The following CNOT1 variants were observed in gnomAD, a reference collection of about 807,000 sequenced individuals.
CNOT1 encodes CCR4-NOT transcription complex subunit 1.
In CNOT1, 15 loss-of-function variants were observed where a neutral mutation model predicts 273.8. That is an observed-to-expected ratio of 0.05 (90% CI 0.04 to 0.08). The LOEUF is 0.08. Ranked by LOEUF, CNOT1 falls within the 10% of genes least tolerant of loss-of-function variation. The probability of loss-of-function intolerance (pLI) is 1.00; values close to 1 mark genes in which losing one functional copy is unlikely to be tolerated. For synonymous variants in CNOT1, 1,022 were observed against 1,005.5 expected, an observed-to-expected ratio of 1.02 and a Z score of -0.31; for missense variants, 1,644 against 2,912.2, an observed-to-expected ratio of 0.56 and a Z score of 10.02.
intron 1 of CNOT1, among the ~76,000 whole-genome samples, chr16:58,620,653 TAAAAAAA>T (rs200053031): frequency 6.3e-4 from 67 of 106,830 alleles, no homozygotes; most frequent in Middle Eastern, 6.1e-3. Flanking sequence ...CTGTCTCATT[TAAAAAAA>T]AAAAAAAAAA....
intron 1 of CNOT1, among the ~76,000 whole-genome samples, chr16:58,609,555 T>C (rs2042815991): frequency 1.3e-5 from 2 of 152,008 alleles, no homozygotes; most frequent in South Asian, 2.1e-4. Flanking sequence ...CTTGATCTCT[T>C]AGGCTCAAGT....
chr16:58,555,158 A>G, intron 21 of CNOT1, 93 bp downstream of exon 21: 1 of 1,528,352 alleles, frequency 6.5e-7, no homozygotes, highest in African/African-American at 1.4e-5. Context: ...CAGTGAGCCG[A>G]GATTGCGCCA....
intron 40 of CNOT1, 23 bp from the exon 41 acceptor site, chr16:58,532,418 C>G: frequency 6.2e-7 from 1 of 1,604,692 alleles, no homozygotes; most frequent in Non-Finnish European, 8.5e-7. Context: ...CAAATCAGAG[C>G]TTGTAAATCA....
Position 58,580,779 on chromosome 16 carries a change from C to T in CNOT1, c.1216-19G>A. 1 of 1,598,288 alleles carries T rather than the reference C, an allele frequency of 6.3e-7. No homozygotes were observed. The highest frequency in any genetic ancestry group is 8.5e-7 in the Non-Finnish European group (1 of 1,171,580). ...AGGAGAGCTGCAATGAAAGAAAATG[C>T]TTACCACCATAAATGATTGTGAATG... On this transcript the variant is annotated intron_variant, in intron 11 of 48. Transcript: ENST00000317147.
At position 58,547,193 on chromosome 16, in the gene CNOT1, C is replaced by T. The variant is rs2040285373; in HGVS notation, c.3743G>A (p.Arg1248His). 2 of 1,612,038 alleles carry T rather than the reference C, an allele frequency of 1.2e-6. No individual in the cohort carries two copies. Residue 1248 changes from arginine (R) to histidine (H), a missense_variant, in exon 27 of 49, where the codon CGT becomes CAT. By Grantham distance (29) the Arg-to-His change is conservative. Transcript: ENST00000317147. The surrounding 1 kb of genome is among the most constrained non-coding windows in gnomAD (Gnocchi z 4.0). Reference protein sequence around the residue: ...FVAKVLESSIRSVVFRPPNPW... With the variant: ...FVAKVLESSIHSVVFRPPNPW... ...ATATTAAAATCTACTCACCACACTA[C>T]GAATGCTAGATTCTAAGACTTTGGC...
intron 2 of CNOT1, among the ~76,000 whole-genome samples, chr16:58,590,488 G>A (rs2042014517): frequency 6.6e-6 from 1 of 152,136 alleles, no homozygotes; most frequent in Admixed American, 6.5e-5. Flanking sequence ...CCAGCTACTT[G>A]AGAGGCTGAT....
intron 38 of CNOT1, 91 bp downstream of exon 38, chr16:58,537,800 A>G: frequency 1.3e-6 from 2 of 1,524,136 alleles, no homozygotes. Flanking sequence ...AAGCAGTTAT[A>G]ACAAGTAATG....
At chr16:58,586,774 G>A (rs751989823) in intron 6 of CNOT1, 26 bp from the exon 7 acceptor site, 22 of 1,608,296 alleles carry the variant, frequency 1.4e-5, no homozygotes, top group South Asian at 4.4e-5. Context: ...ACCAAAAACC[G>A]CAAGTTACTT....
rs66711143 is a variant in CNOT1, at chr16:58,601,734, T to TAAAAAAAAAAAAAAAAAAAAAAA, written c.-174-2224_-174-2223insTTTTTTTTTTTTTTTTTTTTTTT. The stretch of plus-strand genomic sequence containing the variant: ...ATATGCTAGTGCTCCATACCCACCT[T>TAAAAAAAAAAAAAAAAAAAAAAA]AAAAAAAAAAAAAAAAAAAAGCCTG... On this transcript the variant is annotated intron_variant, in intron 1 of 48. Transcript: ENST00000317147. Among the ~76,000 whole-genome samples, 4 of 91,512 alleles carry TAAAAAAAAAAAAAAAAAAAAAAA rather than the reference T, an allele frequency of 4.4e-5. 1 individual carries two copies. The highest frequency in any genetic ancestry group is 1.3e-4 in the Admixed American group (1 of 7,744). The allele number at this position is 91,512 out of a possible 152,430, so 60.0% of individuals were successfully genotyped here. A position where few individuals can be genotyped will look rare whatever the true frequency, so the allele number is the denominator to read the frequency against.
Position 58,539,900 on chromosome 16 carries a change from C to T in CNOT1, c.4860G>A (p.Glu1620=). The part of the protein sequence containing the change: ...QIYDKCITEL[E]QHLHAIPPTL... Reference sequence around the variant, plus strand: ...TTGGTGGGATGGCATGTAGATGTTGCTCCAGTTCTGTAATACACTTATCAT... The same window carrying T: ...TTGGTGGGATGGCATGTAGATGTTGTTCCAGTTCTGTAATACACTTATCAT... Residue 1620 remains glutamate (E), a synonymous_variant, in exon 35 of 49, where the codon GAG becomes GAA. Transcript: ENST00000317147. The T allele has an allele frequency of 6.2e-7, 1 of 1,614,192 alleles. No individual in the cohort carries two copies. The highest frequency in any genetic ancestry group is 8.5e-7 in the Non-Finnish European group (1 of 1,180,034).
chr16:58,575,988 A>C (rs978273539), intron 14 of CNOT1, among the ~76,000 whole-genome samples: 1 of 152,200 alleles, frequency 6.6e-6, no homozygotes, highest in Admixed American at 6.5e-5. Flanking sequence ...ACTTTTATCT[A>C]CCTAAAGCCA....
At chr16:58,592,634 TA>T (rs2042103334) in intron 2 of CNOT1, among the ~76,000 whole-genome samples, 1 of 152,138 alleles carries the variant, frequency 6.6e-6, no homozygotes, top group South Asian at 2.1e-4. Flanking sequence ...TTACCACCTC[TA>T]AAAATGGGCC....
At chr16:58,567,178 G>GA (rs1247685803) in intron 16 of CNOT1, among the ~76,000 whole-genome samples, 1 of 150,328 alleles carries the variant, frequency 6.7e-6, no homozygotes, top group African/African-American at 2.4e-5. Flanking sequence ...AAGAAAGAAA[G>GA]AAAAAAAAAG....
intron 22 of CNOT1, among the ~76,000 whole-genome samples, chr16:58,552,896 T>C (rs548320082): frequency 7.1e-4 from 108 of 152,320 alleles, no homozygotes; most frequent in Non-Finnish European, 1.1e-3. Flanking sequence ...CTTCTCAAAT[T>C]TCAGTAATAA....
At chr16:58,539,482 C>CACACACACACACACACACAG (rs2040017157) in intron 35 of CNOT1, among the ~76,000 whole-genome samples, 2 of 150,224 alleles carry the variant, frequency 1.3e-5, no homozygotes, top group Admixed American at 1.3e-4. Flanking sequence ...CACACACACA[C>CACACACACACACACACACAG]ACACACACAC....
chr16:58,588,685 G>C (rs2041955371), intron 3 of CNOT1, 114 bp downstream of exon 3: 1 of 1,271,318 alleles, frequency 7.9e-7, no homozygotes, highest in Non-Finnish European at 1.1e-6. Flanking sequence ...TCACCATCCA[G>C]CTACAATCAC....
At chr16:58,537,282 G>A (rs1176758080) in intron 38 of CNOT1, 62 bp from the exon 39 acceptor site, 2 of 1,520,126 alleles carry the variant, frequency 1.3e-6, no homozygotes, top group Non-Finnish European at 8.8e-7. Flanking sequence ...ACAGACATAC[G>A]CATGTATAGT....
At chr16:58,540,606 C>T (rs2040063234) in intron 34 of CNOT1, among the ~76,000 whole-genome samples, 1 of 152,148 alleles carries the variant, frequency 6.6e-6, no homozygotes. Context: ...TAAAACAGGT[C>T]TTTTACTATA....
chr16:58,523,441 G>A lies in CNOT1; in HGVS notation c.6846C>T (p.His2282=), dbSNP rs771740649. ...NQLRYPNSHT[H]YFSCTMLYLF... ...GGTACAGCATGGTGCAACTGAAGTA[G>A]TGAGTGTGGCTATTTGGGTACCGGA... is the stretch of plus-strand genomic sequence containing the variant. The change falls in exon 47 of 49, where the codon CAC becomes CAT. Residue 2282 remains histidine (H), a synonymous_variant. Transcript: ENST00000317147. The A allele has an allele frequency of 1.1e-5, 17 of 1,613,968 alleles. No individual in the cohort carries two copies. The highest frequency in any genetic ancestry group is 1.4e-5 in the Non-Finnish European group (17 of 1,179,926).
Sources: gnomAD v4.1 joint callset for allele counts (sites outside exome capture counted in the v4.1 genomes callset) on GRCh38, gnomAD v4.1.1 for gene constraint, Gnocchi (gnomAD v3.1) non-coding constraint, MANE v1.5 for transcripts, NCBI Gene and HGNC (gene_info 2026-07-23, HGNC 2026-07-21) for gene names.